MED16: variants seen among roughly 807,000 people sequenced by gnomAD.
The protein encoded by MED16 is mediator complex subunit 16, also known as mediator of RNA polymerase II transcription subunit 16.
In MED16, 81 loss-of-function variants were observed where a neutral mutation model predicts 84.4. That is an observed-to-expected ratio of 0.96 (90% CI 0.80 to 1.15). The LOEUF (loss-of-function observed/expected upper bound fraction) is 1.15, where lower values mean the gene tolerates loss of function less well. Among genes scored for constraint, MED16 ranks in the 50% most tolerant of loss-of-function variants. The pLI, the probability that MED16 is intolerant of heterozygous loss-of-function variation, is 0.00. For synonymous variants in MED16, 897 were observed against 552.2 expected (o/e 1.62, Z -8.76); for missense variants, 1,585 against 1,245.9 (o/e 1.27, Z -4.10).
intron 8 of MED16, among the ~76,000 whole-genome samples, chr19:878,178 G>GAGCCC (rs2036308111): frequency 4.0e-5 from 1 of 24,724 alleles, no homozygotes; most frequent in Non-Finnish European, 7.9e-5. Context: ...AATGCCCACC[G>GAGCCC]AGCCCAGCCC....
intron 8 of MED16, among the ~76,000 whole-genome samples, chr19:879,439 C>T (rs1297865357): frequency 4.0e-3 from 31 of 7,756 alleles, no homozygotes; most frequent in African/African-American, 0.013. Context: ...CCCAGCCCCA[C>T]GTGCCCCAGC....
At chr19:869,028 G>A in intron 13 of MED16, 82 bp from the exon 14 acceptor site, 3 of 1,258,740 alleles carry the variant, frequency 2.4e-6, no homozygotes, top group South Asian at 1.4e-5. Flanking sequence ...CACAGGCGGG[G>A]GTGGAGGGAA....
intron 8 of MED16, among the ~76,000 whole-genome samples, chr19:878,692 A>C (rs1013986909): frequency 1.4e-5 from 1 of 72,846 alleles, no homozygotes; most frequent in Non-Finnish European, 2.7e-5. Context: ...CCCCAACCCC[A>C]CGTGCCCCAG....
At position 881,584 on chromosome 19, in the gene MED16, G is replaced by A. The variant is rs200294634; in HGVS notation, c.1116C>T (p.Ser372=). Residue 372 remains serine, a synonymous_variant, in exon 7 of 16, where the codon AGC becomes AGT. Coordinates refer to ENST00000325464, the MANE Select transcript of MED16 (RefSeq NM_005481.3). The part of the protein sequence containing the change: ...SLTNTDLKVA[S]DTQFYPGLGL... ...CGAGGCCAGGGTAGAACTGTGTGTC[G>A]CTGGCCACCTTGAGGTCGGTGTTGG... 150 of 1,612,274 alleles carry A rather than the reference G, an allele frequency of 9.3e-5. No individual in the cohort carries two copies. The highest frequency in any genetic ancestry group is 1.1e-4 in the Non-Finnish European group (127 of 1,179,874).
chr19:880,232 G>A, intron 7 of MED16, 84 bp from the exon 8 acceptor site: 1 of 1,324,900 alleles, frequency 7.5e-7, no homozygotes, highest in Admixed American at 3.2e-5. Flanking sequence ...TGCAGGGTGT[G>A]GAGAGCCGGG....
chr19:878,553 ACCAGCCC>A (rs2036324814), intron 8 of MED16, among the ~76,000 whole-genome samples: 1 of 24,340 alleles, frequency 4.1e-5, no homozygotes. Context: ...GTCAATGCCC[ACCAGCCC>A]CAGCCCCAGC....
chr19:892,906 C>T (rs1417218659), intron 1 of MED16, 180 bp downstream of exon 1: 2 of 133,956 alleles, frequency 1.5e-5, no homozygotes, highest in East Asian at 2.1e-4. Flanking sequence ...GCCCCGCGCC[C>T]CGCGCCCCGC....
At chr19:868,989 G>T in intron 13 of MED16, 43 bp from the exon 14 acceptor site, 2 of 1,491,830 alleles carry the variant, frequency 1.3e-6, no homozygotes, top group Non-Finnish European at 1.8e-6. Context: ...TGGGCACCAC[G>T]AGGCCAGGTT....
chr19:878,432 AGCCCCGGCCCCG>A (rs1346022248), intron 8 of MED16, among the ~76,000 whole-genome samples: 1 of 11,238 alleles, frequency 8.9e-5, no homozygotes, highest in Admixed American at 9.0e-4. Context: ...CACCAGCCCC[AGCCCCGGCCCCG>A]GCCCCGGCCC....
At chr19:887,526 C>T (rs746243761) in intron 4 of MED16, among the ~76,000 whole-genome samples, 29 of 151,896 alleles carry the variant, frequency 1.9e-4, no homozygotes, top group South Asian at 6.2e-4. Flanking sequence ...ATTAGCCGGG[C>T]GCGGTGGTGC....
chr19:890,202 C>A lies in MED16; in HGVS notation c.212G>T (p.Trp71Leu). The change falls in exon 3 of 16, where the codon TGG becomes TTG. Residue 71 changes from tryptophan to leucine, a missense_variant. Transcript: ENST00000325464. ...CTCTGAGGGGATCGAGTGCAGGTCC[C>A]AGGGGTGCTCCGTGTCCAGGATGTG... ...MIHILDTEHP[W>L]DLHSIPSEHH... 6.4e-7 allele frequency: 1 copy of A among 1,554,990 alleles called. No individual in the cohort carries two copies. Among genetic ancestry groups the A allele is most frequent in the Non-Finnish European group, 8.7e-7 (1 of 1,149,208 alleles).
chr19:880,116 G>C lies in MED16; in HGVS notation c.1174C>G (p.His392Asp). 1.2e-6 allele frequency: 2 copies of C among 1,610,056 alleles called. No homozygotes were observed. Among genetic ancestry groups the C allele is most frequent in the Non-Finnish European group, 1.7e-6 (2 of 1,179,284 alleles). ...LALAFHDGSV[H>D]IVHRLSLQTM... is the part of the protein sequence containing the mutation. ...TGCAGTGAGAGCCGGTGCACGATGT[G>C]GACGCTGCCGTCGTGGAAGGCCAGG... is the stretch of plus-strand genomic sequence containing the variant. Residue 392 changes from histidine (H) to aspartate (D), a missense_variant, in exon 8 of 16, where the codon CAC (histidine) becomes GAC (aspartate). Coordinates refer to ENST00000325464, the MANE Select transcript of MED16 (RefSeq NM_005481.3).
chr19:876,876 G>GGGGCCCCCACCTGCCAC, intron 9 of MED16, 98 bp downstream of exon 9: 2 of 1,256,094 alleles, frequency 1.6e-6, no homozygotes, highest in East Asian at 2.6e-5. Context: ...CACCTGCCAC[G>GGGGCCCCCACCTGCCAC]GGGCCCCCAC....
intron 12 of MED16, 97 bp from the exon 13 acceptor site, chr19:871,350 G>A (rs1228439115): frequency 3.0e-5 from 41 of 1,380,936 alleles, no homozygotes; most frequent in Non-Finnish European, 3.5e-5. Flanking sequence ...AGGAGCACCA[G>A]GTCAGGGCCC....
intron 12 of MED16, chr19:871,649 A>G: frequency 1.3e-6 from 2 of 1,587,996 alleles, no homozygotes; most frequent in South Asian, 1.1e-5. Context: ...CAGAGCATGG[A>G]CCTGTGCTAG....
chr19:889,882 T>A, intron 3 of MED16, 75 bp from the exon 4 acceptor site: 1 of 1,493,858 alleles, frequency 6.7e-7, no homozygotes, highest in Non-Finnish European at 8.9e-7. Flanking sequence ...GCACAGCGCC[T>A]GGGGGAAGCC....
intron 2 of MED16, 72 bp from the exon 3 acceptor site, chr19:890,316 G>C: frequency 9.0e-7 from 1 of 1,113,866 alleles, no homozygotes; most frequent in South Asian, 1.6e-5. Context: ...CTCCAGGCAG[G>C]CTCCAGGTAA....
intron 1 of MED16, 148 bp downstream of exon 1, chr19:892,926 CCCGCGCCCCGCG>C (rs1318596614): frequency 6.6e-6 from 1 of 151,130 alleles, no homozygotes; most frequent in African/African-American, 2.4e-5. Flanking sequence ...CGCCCCGCGC[CCCGCGCCCCGCG>C]CCCCAGGCCG....
At position 873,573 on chromosome 19, in the gene MED16, T is replaced by C. The variant is rs1472116947; in HGVS notation, c.1781A>G (p.Lys594Arg). The C allele has an allele frequency of 2.5e-6, 4 of 1,612,158 alleles. No individual in the cohort carries two copies. In the East Asian group the frequency reaches 8.9e-5, roughly 36 times the overall value. Residue 594 changes from lysine to arginine, a missense_variant, in exon 11 of 16, where the codon AAG becomes AGG. By Grantham distance (26) the Lys-to-Arg change is conservative (BLOSUM62 2). Transcript: ENST00000325464. The part of the protein sequence containing the change: ...CTKITDVDID[K>R]VMINLKTEEF... The stretch of plus-strand genomic sequence containing the variant: ...CTCCGTCTTGAGGTTGATCATGACC[T>C]TGTCAATGTCTACAAGGAGACGTGG...
Sources: allele counts gnomAD v4.1 joint callset (sites outside exome capture counted in the v4.1 genomes callset), GRCh38; gene constraint gnomAD v4.1.1; transcripts MANE v1.5; gene names NCBI Gene and HGNC (gene_info 2026-07-23, HGNC 2026-07-21).